SCGB1A1: variants seen among roughly 807,000 people sequenced by gnomAD.
SCGB1A1 encodes the protein secretoglobin family 1A member 1.
Under a neutral mutation model 7.5 loss-of-function variants are expected in SCGB1A1, and 8 were observed. The ratio of observed to expected loss-of-function variants is 1.07; its 90% confidence interval spans 0.63 to 1.92. The LOEUF (loss-of-function observed/expected upper bound fraction) is 1.92. Among genes scored for constraint, SCGB1A1 ranks in the 30% most tolerant of loss-of-function variants. SCGB1A1 has a pLI of 0.00. For missense variants in SCGB1A1, 121 were observed against 112.7 expected (o/e 1.07, Z -0.33); for synonymous variants, 44 against 40.8 (o/e 1.08, Z -0.30).
At chr11:62,422,193 C>A in intron 1 of SCGB1A1, 28 bp from the exon 2 acceptor site, 1 of 1,575,896 alleles carries the variant, frequency 6.3e-7, no homozygotes, top group East Asian at 2.3e-5. Flanking sequence ...GGCCTGGAGA[C>A]ATGTGCCTTC....
chr11:62,419,086 C>G lies in SCGB1A1; in HGVS notation c.-10C>G. ...ACCAGAGACGGGCCAGAGCATCCCC[C>G]TCCTCCACCATGAAACTCGCTGTCA... On this transcript the variant is annotated 5_prime_UTR_variant, in exon 1 of 3. Transcript: ENST00000278282. 6.3e-7 allele frequency: 1 copy of G among 1,586,454 alleles called. No homozygotes were observed. The highest frequency in any genetic ancestry group is 8.6e-7 in the Non-Finnish European group (1 of 1,164,116).
intron 1 of SCGB1A1, among the ~76,000 whole-genome samples, 172 bp downstream of exon 1, chr11:62,419,322 C>A (rs1175347947): frequency 6.6e-6 from 1 of 152,238 alleles, no homozygotes; most frequent in Non-Finnish European, 1.5e-5. Flanking sequence ...ATCTTGGAAA[C>A]TTGGAGAGAG....
chr11:62,420,469 G>A (rs1937759504), intron 1 of SCGB1A1, among the ~76,000 whole-genome samples: 3 of 150,998 alleles, frequency 2.0e-5, no homozygotes. Flanking sequence ...ACGCACCACT[G>A]CACCCAGCTA....
Position 62,423,194 on chromosome 11 carries a change from C to T in SCGB1A1, c.*103C>T. The T allele has an allele frequency of 7.9e-7, 1 of 1,259,636 alleles. No homozygotes were observed. 78.0% of individuals were successfully genotyped at this position (1,259,636 alleles called of 1,614,324 possible). ...TCTCTTCAATAAACCACAAGCATCT[C>T]ACTTTTGTGCCCCCTGCGTGGTTTT... On this transcript the variant is annotated 3_prime_UTR_variant, in exon 3 of 3. Transcript: ENST00000278282.
At chr11:62,422,451 C>T (rs1180921561) in intron 2 of SCGB1A1, 43 bp downstream of exon 2, 16 of 1,537,346 alleles carry the variant, frequency 1.0e-5, no homozygotes, top group Non-Finnish European at 1.4e-5. Flanking sequence ...AAGTGGCTTC[C>T]CCAAGTGGGG....
At chr11:62,420,900 A>C (rs915124534) in intron 1 of SCGB1A1, among the ~76,000 whole-genome samples, 5 of 151,828 alleles carry the variant, frequency 3.3e-5, no homozygotes. Context: ...GCATCACTGC[A>C]CTCCAGCCTG....
intron 1 of SCGB1A1, among the ~76,000 whole-genome samples, chr11:62,420,870 GGTTGCA>G (rs1267817355): frequency 6.6e-6 from 1 of 151,792 alleles, no homozygotes; most frequent in African/African-American, 2.4e-5. Context: ...GGGAGGCAGA[GGTTGCA>G]GTCAGCCGAG....
Position 62,419,036 on chromosome 11 carries a change from C to A in SCGB1A1, c.-60C>A. On this transcript the variant is annotated 5_prime_UTR_variant, in exon 1 of 3. Coordinates refer to ENST00000278282, the MANE Select transcript of SCGB1A1 (RefSeq NM_003357.5). ...GGCACCTTGCTGGGCATGTCTCATACTAGCCCACCAGACTCAGAGACGGAA... is the reference window on the plus strand; with the variant it reads ...GGCACCTTGCTGGGCATGTCTCATAATAGCCCACCAGACTCAGAGACGGAA... The A allele has an allele frequency of 6.7e-7, 1 of 1,493,554 alleles. No homozygotes were observed. Among genetic ancestry groups the A allele is most frequent in the Non-Finnish European group, 9.1e-7 (1 of 1,100,826 alleles). 92.5% of individuals were successfully genotyped at this position (1,493,554 alleles called of 1,614,324 possible). A position where few individuals can be genotyped will look rare whatever the true frequency, so the allele number is the denominator to read the frequency against.
chr11:62,422,456 G>T, intron 2 of SCGB1A1, 48 bp downstream of exon 2: 1 of 1,448,442 alleles, frequency 6.9e-7, no homozygotes, highest in Non-Finnish European at 9.5e-7. Context: ...GCTTCCCCAA[G>T]TGGGGCTGCA....
intron 1 of SCGB1A1, among the ~76,000 whole-genome samples, chr11:62,420,201 G>T (rs766616151): frequency 3.3e-5 from 5 of 152,042 alleles, no homozygotes; most frequent in African/African-American, 4.8e-5. Context: ...CATGTTAAGG[G>T]GTGGGTCAGA....
chr11:62,419,057 C>G lies in SCGB1A1; in HGVS notation c.-39C>G. The G allele has an allele frequency of 1.3e-6, 2 of 1,551,602 alleles. No homozygotes were observed. Among genetic ancestry groups the G allele is most frequent in the Non-Finnish European group, 1.7e-6 (2 of 1,143,596 alleles). The stretch of plus-strand genomic sequence containing the variant: ...CATACTAGCCCACCAGACTCAGAGA[C>G]GGAACCAGAGACGGGCCAGAGCATC... On this transcript the variant is annotated 5_prime_UTR_variant, in exon 1 of 3. Transcript: ENST00000278282.
intron 1 of SCGB1A1, among the ~76,000 whole-genome samples, chr11:62,420,261 T>C (rs1344391638): frequency 6.6e-6 from 1 of 152,030 alleles, no homozygotes; most frequent in African/African-American, 2.4e-5. Flanking sequence ...TAACACTTAC[T>C]TCACACAATG....
intron 1 of SCGB1A1, among the ~76,000 whole-genome samples, chr11:62,420,162 G>A (rs773289975): frequency 5.9e-5 from 9 of 152,126 alleles, no homozygotes; most frequent in Non-Finnish European, 1.3e-4. Flanking sequence ...GCGTACAGAG[G>A]TGGGTGGCTG....
Position 62,422,022 on chromosome 11 carries a change from G to A in SCGB1A1, c.56-199G>A, listed in dbSNP as rs188723163. On this transcript the variant is annotated intron_variant, in intron 1 of 2. Coordinates refer to ENST00000278282, the MANE Select transcript of SCGB1A1 (RefSeq NM_003357.5). ...CTTGATCTCCAACAGAAAGAAAAAC[G>A]GCACCTTGCTCACCTCAACCCAAGA... The A allele has an allele frequency of 2.2e-5, 9 of 415,956 alleles. 1 individual carries two copies. The highest frequency in any genetic ancestry group is 3.5e-5 in the East Asian group (1 of 28,230). 25.8% of individuals were successfully genotyped at this position (415,956 alleles called of 1,614,324 possible). A position where few individuals can be genotyped will look rare whatever the true frequency, so the allele number is the denominator to read the frequency against.
At chr11:62,420,423 C>T (rs1012485496) in intron 1 of SCGB1A1, among the ~76,000 whole-genome samples, 9 of 150,690 alleles carry the variant, frequency 6.0e-5, no homozygotes, top group Non-Finnish European at 8.9e-5. Context: ...AAGCGATTCT[C>T]CTGCCTCAGC....
Position 62,422,145 on chromosome 11 carries a change from G to C in SCGB1A1, c.56-76G>C, listed in dbSNP as rs41398149. 3,007 of 1,321,596 alleles carry C rather than the reference G, an allele frequency of 2.3e-3. 67 individuals carry two copies. In the African/African-American group the frequency reaches 0.037, roughly 16 times the overall value. The allele number at this position is 1,321,596 out of a possible 1,614,324, so 81.9% of individuals were successfully genotyped here. A position where few individuals can be genotyped will look rare whatever the true frequency, so the allele number is the denominator to read the frequency against. On this transcript the variant is annotated intron_variant, in intron 1 of 2. Coordinates refer to ENST00000278282, the MANE Select transcript of SCGB1A1 (RefSeq NM_003357.5). Reference sequence around the variant, plus strand: ...CTGATGGGCCTGGCTGTTTGCATCTGGGCAGACCCAGCCAGAGGGCTAGCC... The same window carrying C: ...CTGATGGGCCTGGCTGTTTGCATCTCGGCAGACCCAGCCAGAGGGCTAGCC...
At chr11:62,420,597 A>G (rs1450224322) in intron 1 of SCGB1A1, among the ~76,000 whole-genome samples, 2 of 146,624 alleles carry the variant, frequency 1.4e-5, no homozygotes, top group East Asian at 2.3e-4. Flanking sequence ...GGCGTGAGCC[A>G]CCATGCCTGG....
intron 1 of SCGB1A1, among the ~76,000 whole-genome samples, chr11:62,420,663 G>A (rs902575016): frequency 1.3e-5 from 2 of 150,040 alleles, no homozygotes; most frequent in East Asian, 2.1e-4. Context: ...GGCCAGGCAC[G>A]GTGGCTCACG....
chr11:62,422,276 C>G lies in SCGB1A1; in HGVS notation c.111C>G (p.Asp37Glu). The change falls in exon 2 of 3, where the codon GAC becomes GAG. Residue 37 changes from aspartate to glutamate, a missense_variant. Asp to Glu is a conservative substitution (Grantham distance 45, BLOSUM62 2). Transcript: ENST00000278282. ...GTGTCATCGAAACCCTCCTCATGGA[C>G]ACACCCTCCAGTTATGAGGCTGCCA... ...FQRVIETLLM[D>E]TPSSYEAAME... 6.2e-7 allele frequency: 1 copy of G among 1,614,040 alleles called. No homozygotes were observed. The highest frequency in any genetic ancestry group is 8.5e-7 in the Non-Finnish European group (1 of 1,179,936).
Sources: allele counts gnomAD v4.1 joint callset (sites outside exome capture counted in the v4.1 genomes callset), GRCh38; gene constraint gnomAD v4.1.1; transcripts MANE v1.5; gene names NCBI Gene and HGNC (gene_info 2026-07-23, HGNC 2026-07-21).